PALLD: variants seen among roughly 807,000 people sequenced by gnomAD.
PALLD encodes the protein palladin, cytoskeletal associated protein.
Under a neutral mutation model 123.5 loss-of-function variants are expected in PALLD, and 61 were observed. The observed-to-expected ratio is 0.49, with a 90% CI of 0.40 to 0.61. The LOEUF is 0.61. Among genes scored for constraint, PALLD ranks in the 20% least tolerant of loss-of-function variants. The pLI, the probability that PALLD is intolerant of heterozygous loss-of-function variation, is 0.00. For synonymous variants in PALLD, 465 were observed against 496.4 expected (o/e 0.94, Z 0.84); for missense variants, 1,273 against 1,377.0 (o/e 0.92, Z 1.20).
intron 10 of PALLD, among the ~76,000 whole-genome samples, chr4:168,733,172 T>C (rs972140420): frequency 6.6e-6 from 1 of 152,248 alleles, no homozygotes; most frequent in Non-Finnish European, 1.5e-5. Flanking sequence ...TTATCTTATG[T>C]TGGGAACATT....
At chr4:168,793,236 T>C (rs1737843081) in intron 10 of PALLD, among the ~76,000 whole-genome samples, 1 of 15,748 alleles carries the variant, frequency 6.4e-5, no homozygotes, top group African/African-American at 1.9e-4. Context: ...TATATATACA[T>C]ATATATGTGT....
At chr4:168,654,252 G>T (rs1478815034) in intron 2 of PALLD, among the ~76,000 whole-genome samples, 2 of 152,002 alleles carry the variant, frequency 1.3e-5, no homozygotes, top group African/African-American at 4.8e-5. Context: ...CCATGTAATA[G>T]CTTTAGAGTT....
At chr4:168,543,579 A>G (rs6819154) in intron 2 of PALLD, among the ~76,000 whole-genome samples, 89,096 of 151,888 alleles carry the variant, frequency 0.59, 26,930 homozygotes, top group East Asian at 0.85. Flanking sequence ...AAATGAAGTA[A>G]ATGAAAATGA....
chr4:168,816,413 A>ATATTTTT (rs34003798), intron 10 of PALLD, among the ~76,000 whole-genome samples: 5 of 135,996 alleles, frequency 3.7e-5, no homozygotes, highest in South Asian at 2.3e-4. Flanking sequence ...ATATATATAT[A>ATATTTTT]TTTTTTTTAA....
intron 3 of PALLD, among the ~76,000 whole-genome samples, chr4:168,676,698 G>A (rs1278298105): frequency 6.6e-6 from 1 of 151,286 alleles, no homozygotes; most frequent in East Asian, 1.9e-4. Flanking sequence ...CCATTCTCCT[G>A]CCTCAGCCTC....
intron 10 of PALLD, among the ~76,000 whole-genome samples, chr4:168,835,105 A>G (rs750738582): frequency 8.5e-5 from 13 of 152,312 alleles, no homozygotes; most frequent in Non-Finnish European, 1.8e-4. Flanking sequence ...TTTCTTTCAC[A>G]ATCATTGGGA....
intron 2 of PALLD, among the ~76,000 whole-genome samples, chr4:168,532,404 A>G (rs889291505): frequency 7.9e-5 from 12 of 152,368 alleles, no homozygotes; most frequent in Admixed American, 3.3e-4. Flanking sequence ...GCCAGGTATT[A>G]TAGGAAAACA....
At chr4:168,722,824 A>G (rs1300229090) in intron 10 of PALLD, among the ~76,000 whole-genome samples, 3 of 152,214 alleles carry the variant, frequency 2.0e-5, no homozygotes, top group Non-Finnish European at 4.4e-5. Context: ...CTTGAGAAAC[A>G]TTACTGAGAT....
At chr4:168,854,106 C>A (rs1437959677) in intron 10 of PALLD, among the ~76,000 whole-genome samples, 1 of 152,160 alleles carries the variant, frequency 6.6e-6, no homozygotes, top group Admixed American at 6.5e-5. Flanking sequence ...TGTCTAGAGT[C>A]TCCTGGTAAG....
At chr4:168,792,301 G>C (rs1248244530) in intron 10 of PALLD, among the ~76,000 whole-genome samples, 1 of 151,348 alleles carries the variant, frequency 6.6e-6, no homozygotes, top group African/African-American at 2.4e-5. Flanking sequence ...TTTAGAATAA[G>C]AATAGCCTCA....
At chr4:168,774,070 T>TC (rs5863959) in intron 10 of PALLD, among the ~76,000 whole-genome samples, 1 of 83,836 alleles carries the variant, frequency 1.2e-5, no homozygotes, top group African/African-American at 4.7e-5. Context: ...TTTCTCTCTC[T>TC]TTTTTTTTTT....
At chr4:168,668,679 G>A (rs950491263) in intron 3 of PALLD, among the ~76,000 whole-genome samples, 1 of 152,104 alleles carries the variant, frequency 6.6e-6, no homozygotes, top group Non-Finnish European at 1.5e-5. Context: ...AAACACAATT[G>A]AAATACCATA....
chr4:168,498,043 A>G (rs1760935713), intron 1 of PALLD, among the ~76,000 whole-genome samples: 1 of 152,250 alleles, frequency 6.6e-6, no homozygotes, highest in African/African-American at 2.4e-5. Flanking sequence ...ATATGCAGAA[A>G]TTAAATCCTC....
intron 2 of PALLD, among the ~76,000 whole-genome samples, chr4:168,652,634 C>T (rs538129280): frequency 3.3e-5 from 5 of 152,120 alleles, no homozygotes; most frequent in East Asian, 1.9e-4. Context: ...AAGGAAGTTA[C>T]GAATGAATAT....
chr4:168,825,263 TTCTCTCTCTTC>T (rs1247417466), intron 10 of PALLD, among the ~76,000 whole-genome samples: 1 of 152,220 alleles, frequency 6.6e-6, no homozygotes, highest in Non-Finnish European at 1.5e-5. Flanking sequence ...CTTCTCCTTA[TTCTCTCTCTTC>T]TCTCTCTCTT....
rs548980180 is a variant in PALLD at position 168,508,778 on chromosome 4, C to T, written c.-82-2645C>T. 3.9e-5 allele frequency among the ~76,000 whole-genome samples: 5 copies of T among 129,394 alleles called. No homozygotes were observed. The South Asian group carries it at 1.1e-3, about 29-fold the overall frequency. 84.9% of individuals were successfully genotyped at this position (129,394 alleles called of 152,430 possible). A position where few individuals can be genotyped will look rare whatever the true frequency, so the allele number is the denominator to read the frequency against. ...GGTACACAAACCTACTTTCAGCCCC[C>T]GAGTCTCCCCCTCTCCACCTTCATG... On this transcript the variant is annotated intron_variant, in intron 1 of 21. Transcript: ENST00000505667.
chr4:168,743,956 C>G (rs990806597), intron 10 of PALLD, among the ~76,000 whole-genome samples: 12 of 152,236 alleles, frequency 7.9e-5, no homozygotes, highest in African/African-American at 2.9e-4. Context: ...TCTGAGAAAT[C>G]TTTGCTATAG....
chr4:168,891,321 CCTGG>C, intron 11 of PALLD, among the ~76,000 whole-genome samples: 2 of 152,264 alleles, frequency 1.3e-5, no homozygotes, highest in African/African-American at 4.8e-5. Flanking sequence ...TGCCACCATG[CCTGG>C]CTAATTTTTT....
At chr4:168,903,943 CT>C in intron 15 of PALLD, 37 bp downstream of exon 15, 5 of 1,579,972 alleles carry the variant, frequency 3.2e-6, no homozygotes, top group Non-Finnish European at 4.4e-6. Context: ...AGTTCTGTGT[CT>C]AGTGCTTACA....
Sources: allele counts gnomAD v4.1 joint callset (sites outside exome capture counted in the v4.1 genomes callset), GRCh38; gene constraint gnomAD v4.1.1; transcripts MANE v1.5; gene names NCBI Gene and HGNC (gene_info 2026-07-23, HGNC 2026-07-21).